ABCD2: variants seen among roughly 807,000 people sequenced by gnomAD.
The protein encoded by ABCD2 is ATP binding cassette subfamily D member 2.
In ABCD2, 36 loss-of-function variants were observed where a neutral mutation model predicts 70.9. The observed-to-expected ratio is 0.51, with a 90% CI of 0.39 to 0.67. The LOEUF is 0.67. Among genes scored for constraint, ABCD2 ranks in the 30% least tolerant of loss-of-function variants. ABCD2 has a pLI of 0.00. For missense variants in ABCD2, 729 were observed against 890.2 expected (o/e 0.82, Z 2.30); for synonymous variants, 304 against 306.9 (o/e 0.99, Z 0.10).
chr12:39,569,792 A>T lies in ABCD2; in HGVS notation c.2003+3924T>A, dbSNP rs190235629. On this transcript the variant is annotated intron_variant, in intron 9 of 9. Coordinates refer to ENST00000308666, the MANE Select transcript of ABCD2 (RefSeq NM_005164.4). ...CCACTCCCCCAGATAACATGTTCTT[A>T]TCCTTCATTTTGTTAATGTTATGTA... 7.1e-4 allele frequency among the ~76,000 whole-genome samples: 108 copies of T among 152,234 alleles called. 1 individual carries two copies. The highest frequency in any genetic ancestry group is 1.4e-3 in the Admixed American group (22 of 15,286).
intron 1 of ABCD2, among the ~76,000 whole-genome samples, chr12:39,617,693 C>T (rs535561014): frequency 3.8e-4 from 58 of 152,168 alleles, no homozygotes; most frequent in African/African-American, 1.3e-3. Flanking sequence ...GAGTAGGATT[C>T]CTAAATTTAC....
At chr12:39,600,529 C>A in intron 6 of ABCD2, 42 bp downstream of exon 6, 3 of 1,492,882 alleles carry the variant, frequency 2.0e-6, no homozygotes, top group Non-Finnish European at 2.7e-6. Flanking sequence ...AATTCAAGAG[C>A]AAAAGGAAAT....
the ABCD2 span, among the ~76,000 whole-genome samples, chr12:39,534,762 GAAAGAAA>G: frequency 1.6e-4 from 2 of 12,508 alleles, no homozygotes; most frequent in Non-Finnish European, 4.2e-4. Flanking sequence ...GAAAGAAAGA[GAAAGAAA>G]GAAAGAAAGA....
At chr12:39,582,981 T>C (rs1244576699) in intron 7 of ABCD2, among the ~76,000 whole-genome samples, 1 of 151,952 alleles carries the variant, frequency 6.6e-6, no homozygotes, top group African/African-American at 2.4e-5. Flanking sequence ...CACCTCAGCC[T>C]CCCAAATAGC....
chr12:39,539,728 G>A, the ABCD2 span: 1 of 154,096 alleles, frequency 6.5e-6, no homozygotes, highest in East Asian at 1.9e-4. Flanking sequence ...TGCCTTATAA[G>A]AGATCATGGG....
At chr12:39,588,158 T>G (rs1941691551) in intron 6 of ABCD2, among the ~76,000 whole-genome samples, 1 of 152,136 alleles carries the variant, frequency 6.6e-6, no homozygotes, top group South Asian at 2.1e-4. Context: ...TGAATTTATG[T>G]TTTTTAATAA....
At chr12:39,597,902 T>C (rs1316091872) in intron 6 of ABCD2, among the ~76,000 whole-genome samples, 7 of 152,190 alleles carry the variant, frequency 4.6e-5, no homozygotes, top group Admixed American at 4.6e-4. Flanking sequence ...TGAGATTTTC[T>C]TTTATCTGGT....
chr12:39,600,486 A>T (rs966620433), intron 6 of ABCD2, 85 bp downstream of exon 6: 1 of 1,236,492 alleles, frequency 8.1e-7, no homozygotes. Context: ...ATTCTTAAAG[A>T]TATATAAACT....
intron 9 of ABCD2, among the ~76,000 whole-genome samples, chr12:39,555,564 C>G (rs1941151730): frequency 6.6e-6 from 1 of 152,112 alleles, no homozygotes; most frequent in Non-Finnish European, 1.5e-5. Flanking sequence ...ATGTCCCAAC[C>G]ACAAAGTGCA....
intron 4 of ABCD2, 50 bp from the exon 5 acceptor site, chr12:39,604,056 TTAAA>T: frequency 7.8e-7 from 1 of 1,281,658 alleles, no homozygotes; most frequent in Non-Finnish European, 1.1e-6. Flanking sequence ...AGGTTTCTGA[TTAAA>T]TAACGTAAAT....
rs1942153752 is a variant in ABCD2 at position 39,618,939 on chromosome 12, G to C, written c.677C>G (p.Ser226Cys). 1 of 1,614,202 alleles carries C rather than the reference G, an allele frequency of 6.2e-7. No homozygotes were observed. The highest frequency in any genetic ancestry group is 8.5e-7 in the Non-Finnish European group (1 of 1,180,036). ...ATCTAAAATAGGTTTGGTCAGATTG[G>C]AATACAAGTGAGCCACAGATTGGGA... ...MFSQSVAHLY[S>C]NLTKPILDVM... Residue 226 changes from serine (S) to cysteine (C), a missense_variant, in exon 1 of 10, where the codon TCC becomes TGC. Physicochemically the swap from Ser to Cys is moderately radical, Grantham distance 112. This residue lies in a region of ABCD2 where 195 missense variants were observed against 300.2 expected (regional missense o/e 0.65). Coordinates refer to ENST00000308666, the MANE Select transcript of ABCD2 (RefSeq NM_005164.4).
intron 9 of ABCD2, among the ~76,000 whole-genome samples, chr12:39,569,963 C>A (rs1231686354): frequency 6.6e-6 from 1 of 152,028 alleles, no homozygotes; most frequent in Non-Finnish European, 1.5e-5. Flanking sequence ...TGAAAAAAAT[C>A]AAGGAAACAA....
At chr12:39,583,809 G>A (rs1160059804) in intron 7 of ABCD2, among the ~76,000 whole-genome samples, 4 of 152,162 alleles carry the variant, frequency 2.6e-5, no homozygotes, top group African/African-American at 9.7e-5. Flanking sequence ...GTTTGCTAAG[G>A]ATGATTGCCT....
intron 5 of ABCD2, among the ~76,000 whole-genome samples, chr12:39,602,073 CTTT>C (rs1226970708): frequency 6.6e-6 from 1 of 151,212 alleles, no homozygotes; most frequent in African/African-American, 2.4e-5. Flanking sequence ...GCTTAGAATT[CTTT>C]TTGTCTCACA....
At chr12:39,560,957 T>C (rs2120546378) in intron 9 of ABCD2, among the ~76,000 whole-genome samples, 1 of 152,108 alleles carries the variant, frequency 6.6e-6, no homozygotes, top group South Asian at 2.1e-4. Flanking sequence ...GAAAATCACT[T>C]ACCCACAAAG....
chr12:39,572,872 T>G (rs891238002), intron 9 of ABCD2, among the ~76,000 whole-genome samples: 1 of 152,006 alleles, frequency 6.6e-6, no homozygotes, highest in Non-Finnish European at 1.5e-5. Context: ...TACTAAGAAG[T>G]CAAAAGAAAA....
intron 6 of ABCD2, among the ~76,000 whole-genome samples, chr12:39,588,511 C>T (rs1410644707): frequency 6.6e-6 from 1 of 152,116 alleles, no homozygotes; most frequent in Non-Finnish European, 1.5e-5. Context: ...ATGCTTGGCA[C>T]CACCAGAAGC....
chr12:39,563,549 A>C (rs906193833), intron 9 of ABCD2, among the ~76,000 whole-genome samples: 1 of 152,172 alleles, frequency 6.6e-6, no homozygotes, highest in African/African-American at 2.4e-5. Context: ...TCTGAATTTG[A>C]AAGGAAAAAG....
At chr12:39,597,638 G>A (rs1941835084) in intron 6 of ABCD2, among the ~76,000 whole-genome samples, 1 of 152,162 alleles carries the variant, frequency 6.6e-6, no homozygotes, top group Admixed American at 6.5e-5. Flanking sequence ...ACATGGCTCA[G>A]AAACTCAAAC....
Sources: allele counts gnomAD v4.1 joint callset (sites outside exome capture counted in the v4.1 genomes callset), GRCh38; gene constraint gnomAD v4.1.1; regional missense constraint gnomAD v4.1.1; transcripts MANE v1.5; gene names NCBI Gene and HGNC (gene_info 2026-07-23, HGNC 2026-07-21).